Variants in ROBO2 observed in about 807,000 individuals in gnomAD.
ROBO2 encodes roundabout homolog 2.
In ROBO2, 53 loss-of-function variants were observed where a neutral mutation model predicts 160.8. The ratio of observed to expected loss-of-function variants is 0.33; its 90% CI spans 0.26 to 0.41. The LOEUF (loss-of-function observed/expected upper bound fraction) is 0.41, where lower values mean the gene tolerates loss of function less well. ROBO2 is among the 10% of genes least tolerant of loss of function. The pLI, the probability that ROBO2 is intolerant of heterozygous loss-of-function variation, is 1.00. For synonymous variants in ROBO2, 664 were observed against 611.7 expected, an observed-to-expected ratio of 1.09 and a Z score of -1.26; for missense variants, 1,577 against 1,722.4, an observed-to-expected ratio of 0.92 and a Z score of 1.49.
At chr3:76,928,749 C>G (rs1401370182) in intron 2 of ROBO2, among the ~76,000 whole-genome samples, 1 of 152,162 alleles carries the variant, frequency 6.6e-6, no homozygotes, top group East Asian at 1.9e-4. Context: ...TTTTGTTAGT[C>G]TCTCCTCAAC....
At chr3:76,036,115 C>T (rs185306468) in intron 2 of ROBO2, among the ~76,000 whole-genome samples, 3 of 151,832 alleles carry the variant, frequency 2.0e-5, no homozygotes, top group South Asian at 2.1e-4. Flanking sequence ...GGGATGATGT[C>T]GTGGAATATT....
At chr3:77,554,723 A>G (rs1276606067) in intron 8 of ROBO2, among the ~76,000 whole-genome samples, 1 of 152,020 alleles carries the variant, frequency 6.6e-6, no homozygotes, top group African/African-American at 2.4e-5. Context: ...CAGTCACATG[A>G]TACAAATTGA....
intron 2 of ROBO2, among the ~76,000 whole-genome samples, chr3:77,446,984 A>G (rs1473566868): frequency 1.3e-5 from 2 of 152,108 alleles, no homozygotes; most frequent in Non-Finnish European, 2.9e-5. Flanking sequence ...GAAGCAAAAT[A>G]GTTTGGGGAA....
At chr3:76,197,129 T>C (rs1334385906) in intron 2 of ROBO2, among the ~76,000 whole-genome samples, 1 of 151,430 alleles carries the variant, frequency 6.6e-6, no homozygotes, top group African/African-American at 2.4e-5. Context: ...AGTCTCTCTA[T>C]AGATTTGGAT....
chr3:76,615,341 C>A (rs1435423509), intron 2 of ROBO2, among the ~76,000 whole-genome samples: 1 of 152,078 alleles, frequency 6.6e-6, no homozygotes, highest in African/African-American at 2.4e-5. Context: ...ACACAGTGTT[C>A]TGGTCACTAC....
At chr3:76,333,315 G>A (rs1292831814) in intron 2 of ROBO2, among the ~76,000 whole-genome samples, 1 of 152,148 alleles carries the variant, frequency 6.6e-6, no homozygotes, top group East Asian at 1.9e-4. Context: ...TAGCTGTGCA[G>A]TGATTCTTGA....
intron 2 of ROBO2, among the ~76,000 whole-genome samples, chr3:77,167,489 C>A (rs768969020): frequency 6.6e-6 from 1 of 152,088 alleles, no homozygotes; most frequent in Non-Finnish European, 1.5e-5. Flanking sequence ...TCCTTTATAG[C>A]CTACTTGGGA....
At chr3:76,922,808 C>T (rs556558073) in intron 2 of ROBO2, among the ~76,000 whole-genome samples, 2 of 152,284 alleles carry the variant, frequency 1.3e-5, no homozygotes, top group South Asian at 4.1e-4. Context: ...GTAAAGGCCT[C>T]GTGCTCCACA....
In ROBO2 at chr3:76,295,472, A is replaced by G. The variant is rs139937640; in HGVS notation, c.109+357870A>G. Among the ~76,000 whole-genome samples, 520 of 152,178 alleles carry G rather than the reference A, an allele frequency of 3.4e-3. 6 individuals are homozygous for G. The highest frequency in any genetic ancestry group is 0.025 in the Admixed American group (379 of 15,284). On this transcript the variant is annotated intron_variant, in intron 2 of 26. Coordinates refer to the ROBO2 transcript ENST00000487694. ...AAACAAAGAATTGCAGTATGTTGTCATGGATACTAGGGTATATGAACACTC... is the reference window on the plus strand; with the variant it reads ...AAACAAAGAATTGCAGTATGTTGTCGTGGATACTAGGGTATATGAACACTC...
chr3:77,422,942 T>A (rs2077844001), intron 2 of ROBO2, among the ~76,000 whole-genome samples: 1 of 152,190 alleles, frequency 6.6e-6, no homozygotes, highest in Admixed American at 6.6e-5. Context: ...AATTACTATT[T>A]TTCATTGTTT....
intron 2 of ROBO2, among the ~76,000 whole-genome samples, chr3:77,398,068 G>A (rs1014963267): frequency 6.6e-6 from 1 of 152,046 alleles, no homozygotes; most frequent in Non-Finnish European, 1.5e-5. Flanking sequence ...CTTTTAGAAT[G>A]TATGTATTAT....
At chr3:76,603,513 T>C (rs2087402922) in intron 2 of ROBO2, among the ~76,000 whole-genome samples, 1 of 151,168 alleles carries the variant, frequency 6.6e-6, no homozygotes, top group African/African-American at 2.4e-5. Flanking sequence ...AAAATAAGAA[T>C]TGCATTGAAC....
intron 2 of ROBO2, among the ~76,000 whole-genome samples, chr3:76,510,985 G>A (rs2081056784): frequency 1.3e-5 from 2 of 152,284 alleles, no homozygotes; most frequent in South Asian, 4.1e-4. Context: ...TTAAAGATTT[G>A]TGATGATAAA....
intron 2 of ROBO2, among the ~76,000 whole-genome samples, chr3:77,324,674 C>T (rs1167076391): frequency 8.0e-5 from 12 of 149,910 alleles, no homozygotes; most frequent in African/African-American, 2.7e-4. Flanking sequence ...CCCAGCTACT[C>T]GGGAGGCTGA....
chr3:76,625,838 A>T (rs2100145), intron 2 of ROBO2, among the ~76,000 whole-genome samples: 91,628 of 151,978 alleles, frequency 0.6, 27,815 homozygotes, highest in East Asian at 0.73. Context: ...GAAATGGGAA[A>T]CCACTGAGAG....
At chr3:77,583,966 T>C (rs968903018) in intron 16 of ROBO2, among the ~76,000 whole-genome samples, 1 of 152,134 alleles carries the variant, frequency 6.6e-6, no homozygotes, top group Non-Finnish European at 1.5e-5. Context: ...GTGAGAAGCC[T>C]CATATGTTTA....
intron 12 of ROBO2, among the ~76,000 whole-genome samples, chr3:77,566,678 G>T (rs1048209492): frequency 5.9e-5 from 9 of 152,072 alleles, no homozygotes; most frequent in African/African-American, 1.9e-4. Flanking sequence ...AAAATAACTC[G>T]CAGTGAAGAG....
At chr3:76,269,935 G>T (rs1465099770) in intron 2 of ROBO2, among the ~76,000 whole-genome samples, 1 of 151,940 alleles carries the variant, frequency 6.6e-6, no homozygotes, top group Non-Finnish European at 1.5e-5. Flanking sequence ...AAAGAAATTT[G>T]ACTCTGGGTG....
chr3:76,624,251 A>T (rs1024194013), intron 2 of ROBO2, among the ~76,000 whole-genome samples: 1 of 152,126 alleles, frequency 6.6e-6, no homozygotes, highest in African/African-American at 2.4e-5. Flanking sequence ...ACACGTTTTT[A>T]AATTTAGTCT....
Sources: allele counts gnomAD v4.1 joint callset (sites outside exome capture counted in the v4.1 genomes callset), GRCh38; gene constraint gnomAD v4.1.1; transcripts MANE v1.5; gene names NCBI Gene and HGNC (gene_info 2026-07-23, HGNC 2026-07-21).